The following LONRF1 variants were observed in gnomAD, a reference collection of about 807,000 sequenced individuals.
LONRF1 encodes LON peptidase N-terminal domain and RING finger protein 1.
LONRF1 carries 37 observed loss-of-function variants against 85.8 expected under a neutral mutation model. That is an observed-to-expected ratio of 0.43 (90% CI 0.33 to 0.57). The LOEUF (loss-of-function observed/expected upper bound fraction) is 0.57, where lower values mean the gene tolerates loss of function less well. Ranked by LOEUF, LONRF1 falls within the 20% of genes least tolerant of loss-of-function variation. The pLI, the probability that LONRF1 is intolerant of heterozygous loss-of-function variation, is 0.04. For synonymous variants in LONRF1, 517 were observed against 390.1 expected (o/e 1.33, Z -3.83); for missense variants, 1,036 against 978.0 (o/e 1.06, Z -0.79).
rs185196299 is a variant in LONRF1, at chr8:12,724,686, T to C, written c.2163+1041A>G. ...GTGATGGAAAAGTTATGCTGAATTTTTCTATAAGCTGTTTTGTTATTTAAA... is the reference window on the plus strand; with the variant it reads ...GTGATGGAAAAGTTATGCTGAATTTCTCTATAAGCTGTTTTGTTATTTAAA... On this transcript the variant is annotated intron_variant, in intron 11 of 11. Coordinates refer to ENST00000398246, the MANE Select transcript of LONRF1 (RefSeq NM_152271.5). 3.1e-3 allele frequency among the ~76,000 whole-genome samples: 477 copies of C among 152,346 alleles called. 13 individuals carry two copies. Among genetic ancestry groups the C allele is most frequent in the Admixed American group, 0.012 (176 of 15,300 alleles).
At chr8:12,735,533 G>T in intron 6 of LONRF1, 133 bp from the exon 7 acceptor site, 1 of 636,560 alleles carries the variant, frequency 1.6e-6, no homozygotes. Flanking sequence ...GGAGAGGAGA[G>T]AAAGGGCAGT....
intron 3 of LONRF1, among the ~76,000 whole-genome samples, 170 bp from the exon 4 acceptor site, chr8:12,738,314 T>G (rs561976370): frequency 2.4e-4 from 37 of 152,236 alleles, no homozygotes; most frequent in African/African-American, 8.7e-4. Flanking sequence ...TCTTGCAAAA[T>G]TAGGTGTGCC....
At chr8:12,743,058 T>C in intron 2 of LONRF1, 106 bp downstream of exon 2, 4 of 740,746 alleles carry the variant, frequency 5.4e-6, no homozygotes, top group Non-Finnish European at 9.6e-6. Flanking sequence ...AGATATTTTA[T>C]TTGGAGTCAA....
chr8:12,736,821 T>G, intron 5 of LONRF1, 24 bp from the exon 6 acceptor site: 1 of 1,588,680 alleles, frequency 6.3e-7, no homozygotes, highest in African/African-American at 1.4e-5. Flanking sequence ...GACATGGGGT[T>G]TTCTTCCTTA....
intron 1 of LONRF1, among the ~76,000 whole-genome samples, chr8:12,745,041 A>G (rs1563153946): frequency 6.6e-6 from 1 of 152,124 alleles, no homozygotes; most frequent in Non-Finnish European, 1.5e-5. Flanking sequence ...AGTGACTCAG[A>G]AGACCCGTCT....
intron 4 of LONRF1, among the ~76,000 whole-genome samples, chr8:12,737,759 T>C (rs1251192123): frequency 6.6e-6 from 1 of 152,172 alleles, no homozygotes; most frequent in Admixed American, 6.6e-5. Flanking sequence ...TCTATACATA[T>C]TTTTAAAGAA....
chr8:12,733,028 G>T (rs114734158), intron 7 of LONRF1, among the ~76,000 whole-genome samples: 1 of 152,070 alleles, frequency 6.6e-6, no homozygotes, highest in Non-Finnish European at 1.5e-5. Flanking sequence ...CATGAATCGC[G>T]GCTTGTTAAA....
rs1805982672 is a variant in LONRF1, at chr8:12,723,111, T to C, written c.2307A>G (p.Arg769=). The change falls in exon 12 of 12, where the codon AGA becomes AGG. Residue 769 remains arginine (R), a synonymous_variant. Transcript: ENST00000398246. ...KIQHILTYFS[R]DQSK ...AAAGAGTTAGTTACTTAGATTGGTC[T>C]CTAGAAAAATAGGTCAGTATATGCT... The C allele has an allele frequency of 1.2e-6, 2 of 1,611,842 alleles. No homozygotes were observed. Among genetic ancestry groups the C allele is most frequent in the South Asian group, 2.2e-5 (2 of 90,612 alleles).
At chr8:12,754,203 G>A (rs1257331648) in intron 1 of LONRF1, 1 of 152,660 alleles carries the variant, frequency 6.6e-6, no homozygotes, top group Non-Finnish European at 1.5e-5. Context: ...ACTTTTGTGG[G>A]TGAGGAAGGG....
At chr8:12,749,822 G>A (rs1799307498) in intron 1 of LONRF1, among the ~76,000 whole-genome samples, 1 of 152,096 alleles carries the variant, frequency 6.6e-6, no homozygotes, top group African/African-American at 2.4e-5. Context: ...AGCCAATTAA[G>A]CAGTAAACCC....
intron 7 of LONRF1, among the ~76,000 whole-genome samples, chr8:12,733,078 C>G (rs748341772): frequency 3.9e-5 from 6 of 152,098 alleles, no homozygotes; most frequent in African/African-American, 7.2e-5. Context: ...CTCTGAGCAT[C>G]TGGGGTAGGG....
Position 12,729,027 on chromosome 8 carries a change from G to A in LONRF1, c.1884C>T (p.Asn628=), listed in dbSNP as rs751442412. The A allele has an allele frequency of 1.9e-5, 30 of 1,613,820 alleles. No homozygotes were observed. The highest frequency in any genetic ancestry group is 2.2e-5 in the East Asian group (1 of 44,894). Residue 628 remains asparagine, a synonymous_variant, in exon 10 of 12, where the codon AAC becomes AAT. Coordinates refer to ENST00000398246, the MANE Select transcript of LONRF1 (RefSeq NM_152271.5). ...ADYGCMLQIR[N]VHFLPDGRSV... is the part of the protein sequence containing the mutation. ...ACCTTCCGTCCGGTAAGAAATGCACGTTTCTAATTTGTAACATACAACCAT... is the reference window on the plus strand; with the variant it reads ...ACCTTCCGTCCGGTAAGAAATGCACATTTCTAATTTGTAACATACAACCAT...
Position 12,755,448 on chromosome 8 carries a change from C to A in LONRF1, c.-28G>T. On this transcript the variant is annotated 5_prime_UTR_variant, in exon 1 of 12. Coordinates refer to ENST00000398246, the MANE Select transcript of LONRF1 (RefSeq NM_152271.5). ...CCCGCGGAGGGCTGCGCCGCCGCCGCCCGCCGCCACGGTCCCGGAGCCTCC... is the reference window on the plus strand; with the variant it reads ...CCCGCGGAGGGCTGCGCCGCCGCCGACCGCCGCCACGGTCCCGGAGCCTCC... The A allele has an allele frequency of 9.1e-7, 1 of 1,103,238 alleles. No homozygotes were observed. The highest frequency in any genetic ancestry group is 1.1e-6 in the Non-Finnish European group (1 of 903,832). The allele number at this position is 1,103,238 out of a possible 1,614,324, so 68.3% of individuals were successfully genotyped here.
intron 1 of LONRF1, among the ~76,000 whole-genome samples, chr8:12,751,319 T>TTG (rs1799393489): frequency 7.0e-6 from 1 of 143,846 alleles, no homozygotes; most frequent in Non-Finnish European, 1.5e-5. Flanking sequence ...TTTTTTTTTT[T>TTG]TGAGACTGAG....
At chr8:12,741,037 T>A (rs372870259) in intron 2 of LONRF1, 41 bp from the exon 3 acceptor site, 1 of 1,598,810 alleles carries the variant, frequency 6.3e-7, no homozygotes, top group East Asian at 2.2e-5. Flanking sequence ...GTGTTAAGAA[T>A]TGCTTTTTAA....
intron 7 of LONRF1, among the ~76,000 whole-genome samples, chr8:12,732,475 C>A (rs557182215): frequency 4.2e-4 from 64 of 152,252 alleles, no homozygotes; most frequent in Middle Eastern, 3.4e-3. Context: ...TCCATCTACC[C>A]CAGCTCTATA....
chr8:12,731,840 C>A lies in LONRF1; in HGVS notation c.1584G>T (p.Arg528Ser), dbSNP rs1264436603. 1 of 1,612,656 alleles carries A rather than the reference C, an allele frequency of 6.2e-7. No individual in the cohort carries two copies. Among genetic ancestry groups the A allele is most frequent in the South Asian group, 1.1e-5 (1 of 90,868 alleles). ...ESLKEYLADR[R>S]YCVTQLLEEL... Reference sequence around the variant, plus strand: ...CTTCCAACAGCTGTGTGACACAGTACCTCCTATCTGCTAGATACTAAAAGA... The same window carrying A: ...CTTCCAACAGCTGTGTGACACAGTAACTCCTATCTGCTAGATACTAAAAGA... Residue 528 changes from arginine to serine, a missense_variant, in exon 8 of 12, where the codon AGG becomes AGT. Transcript: ENST00000398246.
chr8:12,725,282 T>C (rs1049274599), intron 11 of LONRF1, among the ~76,000 whole-genome samples: 1 of 152,182 alleles, frequency 6.6e-6, no homozygotes, highest in Non-Finnish European at 1.5e-5. Flanking sequence ...GGTCAAATGT[T>C]GGGAGATACA....
intron 7 of LONRF1, among the ~76,000 whole-genome samples, chr8:12,733,851 T>C (rs1218430410): frequency 1.3e-5 from 2 of 152,214 alleles, no homozygotes; most frequent in African/African-American, 4.8e-5. Flanking sequence ...TTTTAAAGTA[T>C]ATGTATTTTG....
Sources: gnomAD v4.1 joint callset for allele counts (sites outside exome capture counted in the v4.1 genomes callset) on GRCh38, gnomAD v4.1.1 for gene constraint, MANE v1.5 for transcripts, NCBI Gene and HGNC (gene_info 2026-07-23, HGNC 2026-07-21) for gene names.